NELL2: variants seen among roughly 807,000 people sequenced by gnomAD.
The protein encoded by NELL2 is neural EGFL like 2.
Under a neutral mutation model 109.6 loss-of-function variants are expected in NELL2, and 41 were observed. That is an observed-to-expected ratio of 0.37 (90% CI 0.29 to 0.49). The LOEUF is 0.49. Among genes scored for constraint, NELL2 ranks in the 20% least tolerant of loss-of-function variants. The pLI, the probability that NELL2 is intolerant of heterozygous loss-of-function variation, is 0.98. For synonymous variants in NELL2, 355 were observed against 344.7 expected (o/e 1.03, Z -0.33); for missense variants, 900 against 1,008.3 (o/e 0.89, Z 1.45).
intron 9 of NELL2, among the ~76,000 whole-genome samples, chr12:44,719,571 A>G (rs904338531): frequency 6.6e-6 from 1 of 152,166 alleles, no homozygotes; most frequent in African/African-American, 2.4e-5. Flanking sequence ...TACAAAATTA[A>G]AAGTTATAAA....
At chr12:44,828,513 G>T (rs1049072176) in intron 2 of NELL2, among the ~76,000 whole-genome samples, 1 of 152,150 alleles carries the variant, frequency 6.6e-6, no homozygotes, top group Non-Finnish European at 1.5e-5. Context: ...CAAAATGTGT[G>T]TTGGCTTAAT....
At chr12:44,631,255 A>G (rs1347903334) in intron 13 of NELL2, among the ~76,000 whole-genome samples, 1 of 148,150 alleles carries the variant, frequency 6.7e-6, no homozygotes, top group Non-Finnish European at 1.5e-5. Context: ...ATAAATATAT[A>G]TAAACATTAT....
intron 13 of NELL2, among the ~76,000 whole-genome samples, chr12:44,650,582 A>G (rs2136315674): frequency 6.6e-6 from 1 of 152,122 alleles, no homozygotes; most frequent in South Asian, 2.1e-4. Flanking sequence ...GGTGTAAACT[A>G]CCGTGCCTGG....
intron 2 of NELL2, among the ~76,000 whole-genome samples, chr12:44,840,043 G>C (rs182617015): frequency 6.6e-6 from 1 of 152,200 alleles, no homozygotes. Context: ...CAAACCACTC[G>C]CAAGCCTCCA....
chr12:44,587,284 A>AAAAAAAATATATAT, intron 15 of NELL2, among the ~76,000 whole-genome samples: 15 of 72,194 alleles, frequency 2.1e-4, no homozygotes, highest in South Asian at 6.9e-4. Flanking sequence ...AAAAAAAAAA[A>AAAAAAAATATATAT]ATATATATAT....
At chr12:44,811,461 T>A (rs1010602649) in intron 3 of NELL2, among the ~76,000 whole-genome samples, 2 of 151,798 alleles carry the variant, frequency 1.3e-5, no homozygotes, top group Non-Finnish European at 2.9e-5. Flanking sequence ...GAAAGGTCAG[T>A]GAAAGCTTCC....
chr12:44,713,209 CACACACAG>C (rs1312979245), intron 10 of NELL2, among the ~76,000 whole-genome samples: 2 of 118,208 alleles, frequency 1.7e-5, no homozygotes, highest in Admixed American at 7.9e-5. Context: ...CACACACACA[CACACACAG>C]AGAGAGACAG....
chr12:44,727,297 G>A (rs1470809200), intron 9 of NELL2, among the ~76,000 whole-genome samples: 1 of 152,076 alleles, frequency 6.6e-6, no homozygotes, highest in Non-Finnish European at 1.5e-5. Context: ...TCTAATGTCT[G>A]AGCAGTGTTA....
intron 15 of NELL2, among the ~76,000 whole-genome samples, chr12:44,541,250 C>CAAAAAAAAAAAAA (rs3071951): frequency 3.9e-4 from 31 of 78,580 alleles, no homozygotes; most frequent in South Asian, 5.5e-4. Context: ...GACTCCATCT[C>CAAAAAAAAAAAAA]AAAAAAAAAA....
chr12:44,803,485 A>C (rs544636457), intron 3 of NELL2, among the ~76,000 whole-genome samples: 37 of 152,176 alleles, frequency 2.4e-4, no homozygotes, highest in African/African-American at 7.9e-4. Context: ...CAGAGGAATA[A>C]GAGATGGAGG....
chr12:44,810,504 T>C (rs2136672919), intron 3 of NELL2, among the ~76,000 whole-genome samples: 1 of 152,218 alleles, frequency 6.6e-6, no homozygotes, highest in Non-Finnish European at 1.5e-5. Flanking sequence ...AGAGAGTATT[T>C]AAAAAGTATG....
intron 12 of NELL2, among the ~76,000 whole-genome samples, chr12:44,678,996 G>A (rs570616229): frequency 3.9e-5 from 6 of 152,106 alleles, no homozygotes; most frequent in Admixed American, 1.3e-4. Flanking sequence ...AACTAGAAGG[G>A]ATGTAGAGTT....
rs896852289 is a variant in NELL2 at position 44,605,414 on chromosome 12, T to A, written c.1663+1755A>T. Among the ~76,000 whole-genome samples, 8 of 152,292 alleles carry A rather than the reference T, an allele frequency of 5.3e-5. No homozygotes were observed. In the South Asian group the frequency reaches 1.0e-3, roughly 20 times the overall value. On this transcript the variant is annotated intron_variant, in intron 15 of 19. Transcript: ENST00000429094. ...AGTACAACTAAATTTTGAGTCCACA[T>A]CTGTTCTCAAAGCCCTTGGCTGCCA...
upstream of NELL2, chr12:44,876,955 C>G: frequency 8.7e-7 from 1 of 1,148,562 alleles, no homozygotes; most frequent in Non-Finnish European, 1.1e-6. Context: ...CGGAGAGCTT[C>G]CCGGGCGCGG....
At chr12:44,874,359 T>C (rs141832311) in intron 2 of NELL2, among the ~76,000 whole-genome samples, 17 of 152,328 alleles carry the variant, frequency 1.1e-4, no homozygotes, top group African/African-American at 4.1e-4. Flanking sequence ...TCACCATACA[T>C]GAATCTAGTC....
At chr12:44,785,475 G>A (rs1329182364) in intron 3 of NELL2, among the ~76,000 whole-genome samples, 1 of 152,136 alleles carries the variant, frequency 6.6e-6, no homozygotes, top group Admixed American at 6.5e-5. Flanking sequence ...TAGATTCAGT[G>A]CTATCCCCAT....
intron 9 of NELL2, among the ~76,000 whole-genome samples, chr12:44,769,776 AG>A (rs2136570605): frequency 6.6e-6 from 1 of 152,308 alleles, no homozygotes; most frequent in Non-Finnish European, 1.5e-5. Context: ...TGCAGCAATA[AG>A]TATAACTGAT....
intron 15 of NELL2, among the ~76,000 whole-genome samples, chr12:44,546,339 C>A (rs562359530): frequency 6.6e-6 from 1 of 152,208 alleles, no homozygotes; most frequent in African/African-American, 2.4e-5. Context: ...TGGCTTTGAG[C>A]GAGTGTCATA....
chr12:44,676,883 A>G (rs1948338649), intron 12 of NELL2, among the ~76,000 whole-genome samples: 2 of 152,148 alleles, frequency 1.3e-5, no homozygotes, highest in Admixed American at 6.6e-5. Context: ...TGTCCAAGGT[A>G]CTATAATAAC....
Sources: allele counts gnomAD v4.1 joint callset (sites outside exome capture counted in the v4.1 genomes callset), GRCh38; gene constraint gnomAD v4.1.1; transcripts MANE v1.5; gene names NCBI Gene and HGNC (gene_info 2026-07-23, HGNC 2026-07-21).